The following PKNOX1 variants were observed in gnomAD, a reference collection of about 807,000 sequenced individuals.
PKNOX1 encodes homeobox protein PKNOX1.
In PKNOX1, 15 loss-of-function variants were observed where a neutral mutation model predicts 51.9. The ratio of observed to expected loss-of-function variants is 0.29; its 90% CI spans 0.19 to 0.45. PKNOX1 has a LOEUF of 0.45. PKNOX1 is among the 20% of genes least tolerant of loss of function. The pLI is 1.00. For synonymous variants in PKNOX1, 219 were observed against 211.1 expected (o/e 1.04, Z -0.32); for missense variants, 462 against 547.5 (o/e 0.84, Z 1.56).
At chr21:43,006,226 C>A (rs1298262003) in intron 2 of PKNOX1, among the ~76,000 whole-genome samples, 1 of 152,132 alleles carries the variant, frequency 6.6e-6, no homozygotes, top group Non-Finnish European at 1.5e-5. Flanking sequence ...CAGGTTCAAG[C>A]AATTCTCCTG....
rs939545846 is a variant in PKNOX1 at position 43,007,571 on chromosome 21, T to G, written c.132T>G (p.Pro44=). 3.1e-6 allele frequency: 5 copies of G among 1,614,150 alleles called. No individual in the cohort carries two copies. The highest frequency in any genetic ancestry group is 4.2e-6 in the Non-Finnish European group (5 of 1,179,990). The change falls in exon 3 of 11, where the codon CCT becomes CCG. Residue 44 remains proline, a synonymous_variant. Coordinates refer to ENST00000291547, the MANE Select transcript of PKNOX1 (RefSeq NM_004571.5). ...ATGCAGAAGGAGTGAGCCCTCCCCC[T>G]GTGGAGTCTCAGACCCCGATGGATG... is the stretch of plus-strand genomic sequence containing the variant. ...EPDAEGVSPP[P]VESQTPMDVD...
intron 1 of PKNOX1, among the ~76,000 whole-genome samples, chr21:42,991,752 C>CA (rs1160910275): frequency 1.3e-5 from 2 of 151,196 alleles, no homozygotes; most frequent in African/African-American, 2.4e-5. Context: ...AAAAACAAAC[C>CA]AAAAAAACAA....
intron 1 of PKNOX1, among the ~76,000 whole-genome samples, chr21:43,001,509 G>A (rs1437287491): frequency 6.6e-6 from 1 of 152,148 alleles, no homozygotes; most frequent in Admixed American, 6.6e-5. Flanking sequence ...GAGGCTTTGG[G>A]GGCACCACCT....
chr21:43,003,681 G>A (rs764082480), intron 1 of PKNOX1, among the ~76,000 whole-genome samples: 13 of 152,134 alleles, frequency 8.5e-5, no homozygotes, highest in Non-Finnish European at 1.9e-4. Context: ...CCTGGTTTGT[G>A]TCAGGAAGGC....
intron 3 of PKNOX1, 32 bp downstream of exon 3, chr21:43,007,650 C>T (rs757142291): frequency 5.6e-6 from 9 of 1,613,460 alleles, no homozygotes; most frequent in South Asian, 2.2e-5. Flanking sequence ...GTGGGGGCCT[C>T]AGAGGAGTGA....
chr21:42,978,919 A>C (rs1192126862), intron 1 of PKNOX1, among the ~76,000 whole-genome samples: 1 of 152,058 alleles, frequency 6.6e-6, no homozygotes, highest in Non-Finnish European at 1.5e-5. Flanking sequence ...TGTTTTTGAG[A>C]GACAGGGTCT....
Position 43,007,569 on chromosome 21 carries a change from C to T in PKNOX1, c.130C>T (p.Pro44Ser), listed in dbSNP as rs777678375. The change falls in exon 3 of 11, where the codon CCT becomes TCT. Residue 44 changes from proline (P) to serine (S), a missense_variant. Pro to Ser is a moderately conservative substitution (Grantham distance 74). Transcript: ENST00000291547. ...EPDAEGVSPP[P>S]VESQTPMDVD... ...CGATGCAGAAGGAGTGAGCCCTCCC[C>T]CTGTGGAGTCTCAGACCCCGATGGA... The T allele has an allele frequency of 1.9e-6, 3 of 1,614,004 alleles. No homozygotes were observed. The African/African-American group carries it at 4.0e-5, about 22-fold the overall frequency.
intron 1 of PKNOX1, among the ~76,000 whole-genome samples, chr21:42,993,169 G>T (rs1360264884): frequency 6.6e-6 from 1 of 152,148 alleles, no homozygotes; most frequent in Non-Finnish European, 1.5e-5. Context: ...TGTCTCGATG[G>T]GAGAAATGCC....
intron 5 of PKNOX1, among the ~76,000 whole-genome samples, chr21:43,015,677 A>G (rs1979459561): frequency 6.6e-6 from 1 of 152,220 alleles, no homozygotes; most frequent in African/African-American, 2.4e-5. Context: ...TTTGAGAAAT[A>G]GAATTGATCT....
intron 1 of PKNOX1, among the ~76,000 whole-genome samples, chr21:42,986,392 T>A (rs1187102523): frequency 6.6e-6 from 1 of 152,072 alleles, no homozygotes; most frequent in Admixed American, 6.6e-5. Context: ...TCCCAGCTAC[T>A]GGGGAGGCTG....
intron 1 of PKNOX1, among the ~76,000 whole-genome samples, chr21:42,976,030 G>C (rs2058995464): frequency 6.6e-6 from 1 of 152,180 alleles, no homozygotes; most frequent in African/African-American, 2.4e-5. Flanking sequence ...TGACCCCAAT[G>C]AGCCTTTCAT....
chr21:43,015,096 T>C (rs562917225), intron 5 of PKNOX1, among the ~76,000 whole-genome samples: 26 of 152,374 alleles, frequency 1.7e-4, no homozygotes, highest in Admixed American at 8.5e-4. Context: ...TTTAGAATTA[T>C]ACCCAAGCAT....
At position 43,003,444 on chromosome 21, in the gene PKNOX1, C is replaced by T. The variant is rs573690281; in HGVS notation, c.-56-882C>T. 3.9e-5 allele frequency among the ~76,000 whole-genome samples: 6 copies of T among 152,330 alleles called. No individual in the cohort carries two copies. In the South Asian group the frequency reaches 1.2e-3, roughly 32 times the overall value. Reference sequence around the variant, plus strand: ...CGTGTGTATATGAGCATGCCCATCTCAGTCTCCCTGAGCGCCTCTTTTCCA... The same window carrying T: ...CGTGTGTATATGAGCATGCCCATCTTAGTCTCCCTGAGCGCCTCTTTTCCA... On this transcript the variant is annotated intron_variant, in intron 1 of 10. Coordinates refer to ENST00000291547, the MANE Select transcript of PKNOX1 (RefSeq NM_004571.5).
At chr21:42,977,264 C>G (rs892634168) in intron 1 of PKNOX1, among the ~76,000 whole-genome samples, 3 of 152,190 alleles carry the variant, frequency 2.0e-5, no homozygotes, top group African/African-American at 4.8e-5. Flanking sequence ...ACATTTGCCC[C>G]TAACAAGAGA....
At chr21:42,982,101 G>C (rs548268604) in intron 1 of PKNOX1, among the ~76,000 whole-genome samples, 1 of 152,308 alleles carries the variant, frequency 6.6e-6, no homozygotes, top group South Asian at 2.1e-4. Flanking sequence ...CTCAGAGAGA[G>C]TGCCTGTGCT....
chr21:43,011,020 T>C (rs2146271584), intron 4 of PKNOX1, among the ~76,000 whole-genome samples: 1 of 151,466 alleles, frequency 6.6e-6, no homozygotes, highest in Non-Finnish European at 1.5e-5. Context: ...TGGCTTATCA[T>C]GGACATGGAC....
intron 1 of PKNOX1, among the ~76,000 whole-genome samples, chr21:42,999,463 C>T (rs546201142): frequency 6.6e-6 from 1 of 151,316 alleles, no homozygotes; most frequent in East Asian, 1.9e-4. Flanking sequence ...AATTTCTCCT[C>T]AGGAAATGGG....
chr21:43,009,118 A>G (rs1204069935), intron 3 of PKNOX1, among the ~76,000 whole-genome samples: 1 of 152,160 alleles, frequency 6.6e-6, no homozygotes, highest in Non-Finnish European at 1.5e-5. Flanking sequence ...AGATCGAGAC[A>G]AGCCTGGCCA....
rs1245248196 is a variant in PKNOX1, at chr21:43,030,669, AT to A, written c.*573del. The stretch of plus-strand genomic sequence containing the variant: ...TTGCTATATAGAAAAAGAAACTCCT[AT>A]TTTTACCTTGCTGGAATTATTGGAT... On this transcript the variant is annotated 3_prime_UTR_variant, in exon 11 of 11. Transcript: ENST00000291547. 6.6e-6 allele frequency: 1 copy of A among 152,570 alleles called. No individual in the cohort carries two copies. The highest frequency in any genetic ancestry group is 1.5e-5 in the Non-Finnish European group (1 of 68,024). The allele number at this position is 152,570 out of a possible 1,614,324, so 9.5% of individuals were successfully genotyped here.
Sources: gnomAD v4.1 joint callset for allele counts (sites outside exome capture counted in the v4.1 genomes callset) on GRCh38, gnomAD v4.1.1 for gene constraint, MANE v1.5 for transcripts, NCBI Gene and HGNC (gene_info 2026-07-23, HGNC 2026-07-21) for gene names.